LARP1B: variants seen among roughly 807,000 people sequenced by gnomAD.
The protein encoded by LARP1B is la-related protein 1B.
Under a neutral mutation model 114.2 loss-of-function variants are expected in LARP1B, and 76 were observed. The ratio of observed to expected loss-of-function variants is 0.67; its 90% CI spans 0.55 to 0.81. The LOEUF is 0.81. Ranked by LOEUF, LARP1B falls within the 30% of genes least tolerant of loss-of-function variation. LARP1B has a pLI of 0.00. For synonymous variants in LARP1B, 345 were observed against 348.0 expected (o/e 0.99, Z 0.10); for missense variants, 1,014 against 1,075.8 (o/e 0.94, Z 0.80).
intron 7 of LARP1B, among the ~76,000 whole-genome samples, chr4:128,095,822 T>TA (rs1394630103): frequency 1.3e-5 from 2 of 152,142 alleles, no homozygotes; most frequent in African/African-American, 4.8e-5. Context: ...TATTCCATGT[T>TA]TGAAAACTTT....
chr4:128,107,659 G>C, intron 9 of LARP1B: 1 of 1,427,204 alleles, frequency 7.0e-7, no homozygotes, highest in Non-Finnish European at 9.1e-7. Context: ...TTCTAAAAAG[G>C]TCTTATACTC....
intron 5 of LARP1B, among the ~76,000 whole-genome samples, chr4:128,083,273 C>G (rs11944097): frequency 0.027 from 4,099 of 152,234 alleles, 166 homozygotes; most frequent in African/African-American, 0.093. Flanking sequence ...ACCTTTCCCC[C>G]CTTTCTATTC....
intron 11 of LARP1B, among the ~76,000 whole-genome samples, chr4:128,150,430 C>T (rs1235044279): frequency 6.6e-6 from 1 of 151,744 alleles, no homozygotes; most frequent in Non-Finnish European, 1.5e-5. Flanking sequence ...GTAGTTGGTA[C>T]TACAGGCATG....
chr4:128,155,343 T>C, intron 11 of LARP1B: 2 of 530,524 alleles, frequency 3.8e-6, no homozygotes, highest in Non-Finnish European at 6.8e-6. Context: ...GGAAAGAGAG[T>C]CGGAAGCCAG....
Position 128,199,523 on chromosome 4 carries a change from TCCTTCTCATGAA to T in LARP1B, c.2090_2101del (p.Pro697_Glu700del), listed in dbSNP as rs760821368. 19 of 1,603,678 alleles carry T rather than the reference TCCTTCTCATGAA, an allele frequency of 1.2e-5. No homozygotes were observed. The Admixed American group carries it at 1.7e-4, about 14-fold the overall frequency. On this transcript the variant is annotated inframe_deletion, in exon 16 of 20. Transcript: ENST00000326639. ...CTCATTCATTCCCAAAGTTCCAGCATCCTTCTCATGAACTTTTGAAGGAAAATGGCTTTACCC... is the reference window on the plus strand; with the variant it reads ...CTCATTCATTCCCAAAGTTCCAGCATCTTTTGAAGGAAAATGGCTTTACCC...
At chr4:128,133,435 T>TA (rs1223219316) in intron 11 of LARP1B, among the ~76,000 whole-genome samples, 1 of 152,232 alleles carries the variant, frequency 6.6e-6, no homozygotes, top group Non-Finnish European at 1.5e-5. Context: ...CTATCCAAAG[T>TA]ATCTACAGCT....
intron 9 of LARP1B, among the ~76,000 whole-genome samples, chr4:128,113,498 G>A (rs1234907439): frequency 6.6e-6 from 1 of 151,476 alleles, no homozygotes; most frequent in Non-Finnish European, 1.5e-5. Flanking sequence ...TCACCACCAG[G>A]CCTGGCTAAT....
At chr4:128,200,825 T>A (rs908559965) in intron 17 of LARP1B, among the ~76,000 whole-genome samples, 160 bp downstream of exon 17, 1 of 152,204 alleles carries the variant, frequency 6.6e-6, no homozygotes, top group Admixed American at 6.5e-5. Flanking sequence ...ACAATATAAC[T>A]AGAGGGAGAC....
intron 5 of LARP1B, among the ~76,000 whole-genome samples, chr4:128,090,068 G>A (rs980000731): frequency 1.4e-5 from 2 of 147,180 alleles, no homozygotes; most frequent in African/African-American, 2.5e-5. Flanking sequence ...CCACCACACC[G>A]GGCCTCTTTT....
At chr4:128,151,461 A>G (rs1054014997) in intron 11 of LARP1B, among the ~76,000 whole-genome samples, 24 of 152,048 alleles carry the variant, frequency 1.6e-4, no homozygotes, top group African/African-American at 5.8e-4. Context: ...TATAATTTTA[A>G]TGTTCTTTCA....
chr4:128,079,511 T>C (rs1190862437), intron 4 of LARP1B, among the ~76,000 whole-genome samples: 1 of 151,950 alleles, frequency 6.6e-6, no homozygotes, highest in African/African-American at 2.4e-5. Flanking sequence ...GACAAACAAG[T>C]GGTTGTTAGA....
intron 3 of LARP1B, 138 bp from the exon 4 acceptor site, chr4:128,077,650 G>A (rs1274391550): frequency 1.2e-6 from 1 of 864,758 alleles, no homozygotes; most frequent in East Asian, 2.8e-5. Context: ...ACTGTCTTTT[G>A]AAAAGTAATT....
At chr4:128,222,677 G>A (rs1436738847), downstream of LARP1B, 2 of 225,796 alleles carry the variant, frequency 8.9e-6, no homozygotes, top group African/African-American at 2.3e-5. Flanking sequence ...TTTATTACAG[G>A]TAAATTTGTA....
Position 128,211,801 on chromosome 4 carries a change from C to T in LARP1B, c.*1748C>T. On this transcript the variant is annotated 3_prime_UTR_variant, in exon 20 of 20. Transcript: ENST00000326639. Reference sequence around the variant, plus strand: ...AGATATTTCTACTCAACTGAATATACAAGTGTAAATTTGATTGGAAAATTG... The same window carrying T: ...AGATATTTCTACTCAACTGAATATATAAGTGTAAATTTGATTGGAAAATTG... 2.4e-6 allele frequency: 2 copies of T among 843,756 alleles called. No individual in the cohort carries two copies. Among genetic ancestry groups the T allele is most frequent in the Non-Finnish European group, 2.9e-6 (2 of 701,052 alleles). 52.3% of individuals were successfully genotyped at this position (843,756 alleles called of 1,614,324 possible).
intron 11 of LARP1B, among the ~76,000 whole-genome samples, chr4:128,124,053 T>C (rs1286446738): frequency 1.3e-5 from 2 of 152,206 alleles, no homozygotes; most frequent in Admixed American, 6.5e-5. Flanking sequence ...AGACTTGTAC[T>C]TTTCCTGTGG....
Position 128,210,100 on chromosome 4 carries a change from G to A in LARP1B, c.*47G>A. ...GGTCTCAAGAAATGGTGAAATGCCTGAGAAATAGACTCTTATGAAAGTTCT... is the reference window on the plus strand; with the variant it reads ...GGTCTCAAGAAATGGTGAAATGCCTAAGAAATAGACTCTTATGAAAGTTCT... On this transcript the variant is annotated 3_prime_UTR_variant, in exon 20 of 20. Transcript: ENST00000326639. The A allele has an allele frequency of 6.2e-7, 1 of 1,612,508 alleles. No homozygotes were observed. Among genetic ancestry groups the A allele is most frequent in the Non-Finnish European group, 8.5e-7 (1 of 1,178,900 alleles).
chr4:128,137,789 ATAT>A (rs150667270), intron 11 of LARP1B, among the ~76,000 whole-genome samples: 58,476 of 129,226 alleles, frequency 0.45, 12,249 homozygotes, highest in South Asian at 0.6. Flanking sequence ...ATATATATAT[ATAT>A]TTTTTTTTTA....
intron 11 of LARP1B, among the ~76,000 whole-genome samples, chr4:128,148,771 TG>T (rs930014853): frequency 2.0e-5 from 3 of 151,918 alleles, no homozygotes; most frequent in African/African-American, 7.3e-5. Context: ...GGATTATAGG[TG>T]CTCACCACAA....
In LARP1B at chr4:128,070,303, G is replaced by A. The variant is rs967775097; in HGVS notation, c.-77-4157G>A. Reference sequence around the variant, plus strand: ...CCACTGCACTCCAGCCTGGGTGACAGAGTGAGACTCCGTCTCAAAAAAAAA... The same window carrying A: ...CCACTGCACTCCAGCCTGGGTGACAAAGTGAGACTCCGTCTCAAAAAAAAA... On this transcript the variant is annotated intron_variant, in intron 1 of 19. Transcript: ENST00000326639. Among the ~76,000 whole-genome samples, 3 of 151,382 alleles carry A rather than the reference G, an allele frequency of 2.0e-5. No individual in the cohort carries two copies. The South Asian group carries it at 6.3e-4, about 32-fold the overall frequency.
Sources: allele counts gnomAD v4.1 joint callset (sites outside exome capture counted in the v4.1 genomes callset), GRCh38; gene constraint gnomAD v4.1.1; transcripts MANE v1.5; gene names NCBI Gene and HGNC (gene_info 2026-07-23, HGNC 2026-07-21).